The following KLHL24 variants were observed in gnomAD, a reference collection of about 807,000 sequenced individuals.
KLHL24 encodes the protein kelch-like protein 24.
Under a neutral mutation model 53.4 loss-of-function variants are expected in KLHL24, and 29 were observed. The ratio of observed to expected loss-of-function variants is 0.54; its 90% CI spans 0.40 to 0.74. The LOEUF (loss-of-function observed/expected upper bound fraction) is 0.74, where lower values mean the gene tolerates loss of function less well. KLHL24 is among the 30% of genes least tolerant of loss of function. KLHL24 has a pLI of 0.00. For missense variants in KLHL24, 504 were observed against 744.0 expected (o/e 0.68, Z 3.75); for synonymous variants, 222 against 253.7 (o/e 0.88, Z 1.19).
At chr3:183,638,843 T>G (rs183126019) in intron 1 of KLHL24, among the ~76,000 whole-genome samples, 28 of 152,360 alleles carry the variant, frequency 1.8e-4, no homozygotes, top group Middle Eastern at 3.4e-3. Flanking sequence ...CCTATATTCA[T>G]CATCCCAGAG....
intron 7 of KLHL24, among the ~76,000 whole-genome samples, chr3:183,674,342 TTTCC>T (rs571781955): frequency 2.7e-5 from 4 of 150,880 alleles, no homozygotes; most frequent in South Asian, 2.1e-4. Flanking sequence ...CCTTCTTTTC[TTTCC>T]TTCCTTCCTT....
intron 2 of KLHL24, among the ~76,000 whole-genome samples, chr3:183,648,397 G>A (rs1644118162): frequency 6.6e-6 from 1 of 152,142 alleles, no homozygotes; most frequent in Non-Finnish European, 1.5e-5. Flanking sequence ...GCAGCCTTAA[G>A]ATGTTAACTT....
At chr3:183,666,340 C>T (rs1576955111) in intron 5 of KLHL24, among the ~76,000 whole-genome samples, 1 of 152,262 alleles carries the variant, frequency 6.6e-6, no homozygotes, top group East Asian at 1.9e-4. Flanking sequence ...CTGCTCACTA[C>T]AGCCTTGACC....
chr3:183,659,491 C>T (rs1329271391), intron 3 of KLHL24, among the ~76,000 whole-genome samples: 1 of 152,216 alleles, frequency 6.6e-6, no homozygotes, highest in African/African-American at 2.4e-5. Context: ...AAGATCGTGT[C>T]ACTGTACTCC....
intron 2 of KLHL24, among the ~76,000 whole-genome samples, chr3:183,646,532 A>G (rs1717274011): frequency 6.6e-6 from 1 of 152,214 alleles, no homozygotes; most frequent in Non-Finnish European, 1.5e-5. Context: ...ACAGAGAAAC[A>G]GAAAAGATCC....
intron 2 of KLHL24, among the ~76,000 whole-genome samples, chr3:183,644,654 C>G (rs1183370028): frequency 1.3e-5 from 2 of 152,018 alleles, no homozygotes; most frequent in Admixed American, 1.3e-4. Context: ...ATCAAGGAGC[C>G]AACTATGAAA....
intron 1 of KLHL24, among the ~76,000 whole-genome samples, chr3:183,640,156 A>C (rs1716152592): frequency 6.6e-6 from 1 of 152,206 alleles, no homozygotes; most frequent in South Asian, 2.1e-4. Flanking sequence ...ATAAAACCAA[A>C]CAACAGTAAA....
chr3:183,678,665 C>T (rs1382305713), intron 7 of KLHL24, among the ~76,000 whole-genome samples: 5 of 152,092 alleles, frequency 3.3e-5, no homozygotes, highest in African/African-American at 7.2e-5. Context: ...TCCTCTTCCT[C>T]CCCCAACTCT....
At chr3:183,646,076 T>G (rs1717187268) in intron 2 of KLHL24, among the ~76,000 whole-genome samples, 1 of 150,896 alleles carries the variant, frequency 6.6e-6, no homozygotes, top group Non-Finnish European at 1.5e-5. Context: ...AACTTAGAAA[T>G]GAGGGTGGCC....
At chr3:183,665,691 A>G (rs1363911300) in intron 5 of KLHL24, among the ~76,000 whole-genome samples, 1 of 152,176 alleles carries the variant, frequency 6.6e-6, no homozygotes, top group Non-Finnish European at 1.5e-5. Flanking sequence ...CGGAGGTTGC[A>G]GTGAGCCAAG....
intron 5 of KLHL24, among the ~76,000 whole-genome samples, chr3:183,666,637 G>T (rs1453749643): frequency 6.6e-6 from 1 of 152,106 alleles, no homozygotes; most frequent in Non-Finnish European, 1.5e-5. Flanking sequence ...AAAAATCCAA[G>T]ATCTGAAATG....
In KLHL24 at chr3:183,663,505, G is replaced by A. The variant is rs547446710; in HGVS notation, c.968G>A (p.Arg323Gln). Residue 323 changes from arginine to glutamine, a missense_variant, in exon 4 of 8, where the codon CGA (arginine) becomes CAA (glutamine). Arg to Gln is a conservative substitution (Grantham distance 43, BLOSUM62 1). Transcript: ENST00000242810. The surrounding 1 kb of genome is among the most constrained non-coding windows in gnomAD (Gnocchi z 4.9). ...EVIVVVGGCE[R>Q]VGGFNLPYTE... ...ATAGTTGTCGTTGGAGGATGTGAGC[G>A]AGTTGGAGGATTTAATCTTCCATAC... 17 of 1,582,054 alleles carry A rather than the reference G, an allele frequency of 1.1e-5. No homozygotes were observed. Among genetic ancestry groups the A allele is most frequent in the South Asian group, 2.4e-5 (2 of 84,688 alleles).
chr3:183,637,567 C>T (rs907149191), intron 1 of KLHL24, among the ~76,000 whole-genome samples: 1 of 152,130 alleles, frequency 6.6e-6, no homozygotes, highest in Non-Finnish European at 1.5e-5. Context: ...TTTTTCTAAT[C>T]GCTTGAGTTA....
At chr3:183,654,932 A>G (rs1718636469) in intron 3 of KLHL24, among the ~76,000 whole-genome samples, 1 of 152,248 alleles carries the variant, frequency 6.6e-6, no homozygotes, top group Admixed American at 6.5e-5. Flanking sequence ...TGTATAATAT[A>G]TTGCATCATA....
At chr3:183,646,921 T>C (rs1029417806) in intron 2 of KLHL24, among the ~76,000 whole-genome samples, 2 of 151,518 alleles carry the variant, frequency 1.3e-5, no homozygotes, top group Non-Finnish European at 2.9e-5. Context: ...GCCATTCTCC[T>C]GTCTCAGCCT....
intron 3 of KLHL24, among the ~76,000 whole-genome samples, chr3:183,658,004 G>A (rs894479374): frequency 6.6e-6 from 1 of 152,072 alleles, no homozygotes; most frequent in African/African-American, 2.4e-5. Context: ...CCTGAGGTCT[G>A]GAGTTCGAGA....
rs548067561 is a variant in KLHL24, at chr3:183,663,318, G to A, written c.921-140G>A. ...AAGTAAGTAATTTCCAGGCTGTACC[G>A]TTTGGCACATGCACAGAGAAGAAAC... On this transcript the variant is annotated intron_variant, in intron 3 of 7. Coordinates refer to ENST00000242810, the MANE Select transcript of KLHL24 (RefSeq NM_017644.3). The surrounding 1 kb of genome is among the most constrained non-coding windows in gnomAD (Gnocchi z 4.9). 4.0e-4 allele frequency: 159 copies of A among 401,882 alleles called. 1 individual carries two copies. The highest frequency in any genetic ancestry group is 2.3e-3 in the African/African-American group (110 of 48,470). The allele number at this position is 401,882 out of a possible 1,614,324, so 24.9% of individuals were successfully genotyped here. A position where few individuals can be genotyped will look rare whatever the true frequency, so the allele number is the denominator to read the frequency against.
chr3:183,635,952 GC>G (rs1249862352), intron 1 of KLHL24, among the ~76,000 whole-genome samples, 159 bp downstream of exon 1: 1 of 152,128 alleles, frequency 6.6e-6, no homozygotes, highest in Non-Finnish European at 1.5e-5. Context: ...GAGGCGAGGG[GC>G]CTCCAGGGTT....
chr3:183,651,396 T>C (rs1418875290), intron 3 of KLHL24, 120 bp downstream of exon 3: 2 of 682,918 alleles, frequency 2.9e-6, no homozygotes. Flanking sequence ...TATATAATTT[T>C]AGATTTATTT....
Sources: allele counts gnomAD v4.1 joint callset (sites outside exome capture counted in the v4.1 genomes callset), GRCh38; gene constraint gnomAD v4.1.1; non-coding constraint Gnocchi (gnomAD v3.1); transcripts MANE v1.5; gene names NCBI Gene and HGNC (gene_info 2026-07-23, HGNC 2026-07-21).